Variants in AOPEP observed in about 807,000 individuals in gnomAD.
The protein encoded by AOPEP is aminopeptidase O.
Under a neutral mutation model 98.1 loss-of-function variants are expected in AOPEP, and 77 were observed. The observed-to-expected ratio is 0.78, with a 90% CI of 0.65 to 0.95. The LOEUF (loss-of-function observed/expected upper bound fraction) is 0.95, where lower values mean the gene tolerates loss of function less well. AOPEP is among the 40% of genes least tolerant of loss of function. The probability of loss-of-function intolerance (pLI) is 0.00; values close to 1 mark genes in which losing one functional copy is unlikely to be tolerated. For missense variants in AOPEP, 1,024 were observed against 1,024.7 expected (o/e 1.00, Z 0.01); for synonymous variants, 346 against 365.3 (o/e 0.95, Z 0.60).
At chr9:94,914,202 A>G (rs926759111) in intron 5 of AOPEP, among the ~76,000 whole-genome samples, 3 of 152,170 alleles carry the variant, frequency 2.0e-5, no homozygotes, top group Non-Finnish European at 2.9e-5. Flanking sequence ...TAATCCTGTG[A>G]TAAGAAGGAA....
At chr9:95,026,217 G>A (rs1401543859) in intron 13 of AOPEP, among the ~76,000 whole-genome samples, 1 of 152,158 alleles carries the variant, frequency 6.6e-6, no homozygotes, top group Non-Finnish European at 1.5e-5. Flanking sequence ...ACTTTAAGGC[G>A]TAATTTACGT....
chr9:94,907,410 G>C (rs1266812113), intron 5 of AOPEP, among the ~76,000 whole-genome samples: 2 of 152,148 alleles, frequency 1.3e-5, no homozygotes, highest in Non-Finnish European at 2.9e-5. Flanking sequence ...GTTTCAAGGA[G>C]AGCCGTCTTC....
the AOPEP span, among the ~76,000 whole-genome samples, chr9:95,116,099 G>C: frequency 6.6e-6 from 1 of 152,224 alleles, no homozygotes; most frequent in East Asian, 1.9e-4. Flanking sequence ...TACACAAACG[G>C]AAAGGTAAAG....
intron 14 of AOPEP, among the ~76,000 whole-genome samples, chr9:95,079,902 A>G (rs1171805729): frequency 6.6e-6 from 1 of 152,248 alleles, no homozygotes; most frequent in African/African-American, 2.4e-5. Context: ...CTCCTTCCCC[A>G]GACTCTCAGA....
intron 13 of AOPEP, among the ~76,000 whole-genome samples, chr9:95,051,126 G>T (rs1383482782): frequency 5.6e-5 from 7 of 125,266 alleles, no homozygotes; most frequent in African/African-American, 2.1e-4. Context: ...GTCTCGCTCT[G>T]TCGCCCAGGC....
chr9:95,136,477 A>G, the AOPEP span, among the ~76,000 whole-genome samples: 56 of 152,124 alleles, frequency 3.7e-4, no homozygotes, highest in African/African-American at 1.3e-3. Flanking sequence ...AGGACTGGGA[A>G]TCAAAGATTC....
chr9:95,063,581 CCACG>C (rs1422452469), intron 14 of AOPEP, among the ~76,000 whole-genome samples: 2 of 152,196 alleles, frequency 1.3e-5, no homozygotes, highest in African/African-American at 4.8e-5. Context: ...TTGCTGGTGG[CCACG>C]AATCCGAAAG....
At chr9:95,138,451 T>C in the AOPEP span, among the ~76,000 whole-genome samples, 59 of 152,296 alleles carry the variant, frequency 3.9e-4, no homozygotes, top group African/African-American at 1.3e-3. Flanking sequence ...AGAACACCCC[T>C]GGGTGTGGAG....
At chr9:95,041,768 C>T (rs116317504) in intron 13 of AOPEP, among the ~76,000 whole-genome samples, 211 of 152,172 alleles carry the variant, frequency 1.4e-3, no homozygotes, top group African/African-American at 4.9e-3. Flanking sequence ...TTCATTGACA[C>T]GCTTTGCCTC....
chr9:94,864,560 A>AT lies in AOPEP; in HGVS notation c.1365-59424dup, dbSNP rs202153948. Reference sequence around the variant, plus strand: ...AAAGTTTATATCTGGGTATGTTTATATTAATTAAGGTTTTATTTATATAAT... The same window carrying AT: ...AAAGTTTATATCTGGGTATGTTTATATTTAATTAAGGTTTTATTTATATAAT... On this transcript the variant is annotated intron_variant, in intron 5 of 16. Coordinates refer to ENST00000375315, the MANE Select transcript of AOPEP (RefSeq NM_001193329.3). Among the ~76,000 whole-genome samples, 1,102 of 152,270 alleles carry AT rather than the reference A, an allele frequency of 7.2e-3. 14 individuals are homozygous for AT. Among genetic ancestry groups the AT allele is most frequent in the African/African-American group, 0.026 (1,065 of 41,564 alleles).
chr9:95,078,140 T>C (rs1022840004), intron 14 of AOPEP, among the ~76,000 whole-genome samples: 1 of 152,170 alleles, frequency 6.6e-6, no homozygotes, highest in Non-Finnish European at 1.5e-5. Flanking sequence ...CTTATTAATC[T>C]TGACAGTAAA....
intron 11 of AOPEP, among the ~76,000 whole-genome samples, chr9:94,996,565 C>T (rs918190216): frequency 1.3e-5 from 2 of 152,200 alleles, no homozygotes; most frequent in African/African-American, 4.8e-5. Flanking sequence ...ATCACGTCCC[C>T]TCCTTCAGAG....
At chr9:95,015,989 A>G (rs1051826741) in intron 13 of AOPEP, among the ~76,000 whole-genome samples, 2 of 152,082 alleles carry the variant, frequency 1.3e-5, no homozygotes, top group Non-Finnish European at 2.9e-5. Flanking sequence ...GGTATGAACC[A>G]CTTTGCCTGG....
chr9:94,895,004 A>C (rs74366652), intron 5 of AOPEP, among the ~76,000 whole-genome samples: 2,274 of 152,224 alleles, frequency 0.015, 54 homozygotes, highest in African/African-American at 0.052. Flanking sequence ...TAGAGAAAAT[A>C]GGACGAAGTG....
intron 3 of AOPEP, among the ~76,000 whole-genome samples, chr9:94,792,473 C>T (rs1845938344): frequency 6.6e-6 from 1 of 152,002 alleles, no homozygotes; most frequent in South Asian, 2.1e-4. Flanking sequence ...CAGCCTGTGG[C>T]CTTCTGTGTT....
At chr9:94,812,475 G>A (rs1478178647) in intron 5 of AOPEP, among the ~76,000 whole-genome samples, 1 of 152,120 alleles carries the variant, frequency 6.6e-6, no homozygotes, top group African/African-American at 2.4e-5. Flanking sequence ...TATACCCCCT[G>A]CCTGAGGGGC....
chr9:94,936,558 C>T (rs1461164314), intron 7 of AOPEP, among the ~76,000 whole-genome samples: 1 of 152,166 alleles, frequency 6.6e-6, no homozygotes, highest in East Asian at 1.9e-4. Flanking sequence ...CAACCATCAA[C>T]ACAGAAGACT....
chr9:95,079,737 G>T (rs2069518120), intron 14 of AOPEP, among the ~76,000 whole-genome samples: 1 of 152,198 alleles, frequency 6.6e-6, no homozygotes, highest in African/African-American at 2.4e-5. Context: ...GGGAGTGGGG[G>T]TTCCTTCCGA....
intron 10 of AOPEP, among the ~76,000 whole-genome samples, chr9:94,974,605 G>A (rs945766991): frequency 6.6e-6 from 1 of 152,196 alleles, no homozygotes; most frequent in African/African-American, 2.4e-5. Context: ...GATCTCTTCA[G>A]AAATGTAACC....
Sources: allele counts gnomAD v4.1 joint callset (sites outside exome capture counted in the v4.1 genomes callset), GRCh38; gene constraint gnomAD v4.1.1; transcripts MANE v1.5; gene names NCBI Gene and HGNC (gene_info 2026-07-23, HGNC 2026-07-21).